EEA1: variants seen among roughly 807,000 people sequenced by gnomAD.
EEA1 encodes the protein early endosome antigen 1.
Under a neutral mutation model 209.2 loss-of-function variants are expected in EEA1, and 111 were observed. The observed-to-expected ratio is 0.53, with a 90% CI of 0.45 to 0.62. The LOEUF is 0.62. Ranked by LOEUF, EEA1 falls within the 20% of genes least tolerant of loss-of-function variation. The probability of loss-of-function intolerance (pLI) is 0.00; values close to 1 mark genes in which losing one functional copy is unlikely to be tolerated. For missense variants in EEA1, 1,343 were observed against 1,530.8 expected (o/e 0.88, Z 2.05); for synonymous variants, 536 against 540.6 (o/e 0.99, Z 0.12).
rs1188855398 is a variant in EEA1 at position 92,787,927 on chromosome 12, C to T, written c.3090G>A (p.Gln1030=). The T allele has an allele frequency of 1.9e-6, 3 of 1,612,864 alleles. No homozygotes were observed. Among genetic ancestry groups the T allele is most frequent in the African/African-American group, 2.7e-5 (2 of 74,850 alleles). Residue 1030 remains glutamine, a synonymous_variant, in exon 22 of 29, where the codon CAG becomes CAA. Coordinates refer to ENST00000322349, the MANE Select transcript of EEA1 (RefSeq NM_003566.4). The part of the protein sequence containing the change: ...NYEKSQETFK[Q]LQSDFYGRES... The stretch of plus-strand genomic sequence containing the variant: ...CCCTCCCATAGAAATCAGATTGAAG[C>T]TGTTTGAAAGTTTCCTGACTTTTTT...
At chr12:92,782,631 T>C (rs1405747748) in intron 22 of EEA1, among the ~76,000 whole-genome samples, 2 of 152,222 alleles carry the variant, frequency 1.3e-5, no homozygotes, top group Non-Finnish European at 2.9e-5. Flanking sequence ...TATTAATAAA[T>C]AGTATGGTGT....
intron 15 of EEA1, 36 bp downstream of exon 15, chr12:92,816,164 A>G: frequency 6.4e-7 from 1 of 1,568,768 alleles, no homozygotes; most frequent in Non-Finnish European, 8.8e-7. Flanking sequence ...ACGGTCTAAA[A>G]CTGGTGCTTT....
At chr12:92,851,337 T>G (rs1877623562) in intron 8 of EEA1, 71 bp from the exon 9 acceptor site, 1 of 1,429,410 alleles carries the variant, frequency 7.0e-7, no homozygotes, top group Non-Finnish European at 9.5e-7. Flanking sequence ...TAGAATCATT[T>G]CACTACAAAG....
chr12:92,785,114 T>C (rs1013419515), intron 22 of EEA1, among the ~76,000 whole-genome samples: 4 of 152,196 alleles, frequency 2.6e-5, no homozygotes, highest in African/African-American at 4.8e-5. Context: ...AGAAGATTTA[T>C]ATTTAATTCT....
At chr12:92,862,398 T>C (rs1362446446) in intron 3 of EEA1, among the ~76,000 whole-genome samples, 1 of 152,044 alleles carries the variant, frequency 6.6e-6, no homozygotes, top group East Asian at 1.9e-4. Flanking sequence ...CTTGAGGTTC[T>C]TGAACAACAT....
At chr12:92,834,457 C>T (rs1876816799) in intron 10 of EEA1, among the ~76,000 whole-genome samples, 1 of 146,318 alleles carries the variant, frequency 6.8e-6, no homozygotes, top group African/African-American at 2.5e-5. Flanking sequence ...AAGCAGGAGG[C>T]ATGCTTGGGC....
At chr12:92,885,161 T>A (rs1228051704) in intron 2 of EEA1, among the ~76,000 whole-genome samples, 2 of 152,076 alleles carry the variant, frequency 1.3e-5, no homozygotes, top group East Asian at 3.8e-4. Context: ...TAGTTAAATT[T>A]TTGGGGAGTC....
intron 11 of EEA1, among the ~76,000 whole-genome samples, 189 bp from the exon 12 acceptor site, chr12:92,828,250 T>C (rs1159736959): frequency 6.6e-6 from 1 of 152,198 alleles, no homozygotes; most frequent in Non-Finnish European, 1.5e-5. Context: ...TATATTATAA[T>C]GAATCACATA....
chr12:92,928,783 C>T (rs1246877410), intron 1 of EEA1, among the ~76,000 whole-genome samples: 2 of 151,912 alleles, frequency 1.3e-5, no homozygotes, highest in African/African-American at 4.8e-5. Context: ...TCGCAGCCCG[C>T]TCGCACACAC....
chr12:92,858,914 G>A (rs376223646), intron 3 of EEA1: 3 of 703,738 alleles, frequency 4.3e-6, no homozygotes, highest in Non-Finnish European at 2.6e-6. Flanking sequence ...AGGTTGGGGT[G>A]TTCATGGAGG....
At chr12:92,838,412 G>C (rs1200636912) in intron 10 of EEA1, among the ~76,000 whole-genome samples, 1 of 152,184 alleles carries the variant, frequency 6.6e-6, no homozygotes, top group South Asian at 2.1e-4. Flanking sequence ...CCAAGAGATA[G>C]AAGGTAAGCT....
intron 1 of EEA1, among the ~76,000 whole-genome samples, chr12:92,912,597 C>G (rs1880618172): frequency 6.6e-6 from 1 of 152,140 alleles, no homozygotes; most frequent in Non-Finnish European, 1.5e-5. Flanking sequence ...GGTACAAGTG[C>G]AGTTTTGTTA....
chr12:92,844,295 A>G (rs1877300679), intron 9 of EEA1, among the ~76,000 whole-genome samples: 1 of 152,172 alleles, frequency 6.6e-6, no homozygotes, highest in South Asian at 2.1e-4. Flanking sequence ...AAATGCTTTT[A>G]GGAATGGAAT....
chr12:92,826,561 A>G (rs552677068), intron 12 of EEA1, among the ~76,000 whole-genome samples: 2 of 151,456 alleles, frequency 1.3e-5, no homozygotes, highest in African/African-American at 4.8e-5. Context: ...AAAAAAATAC[A>G]AAAATTAGCC....
intron 19 of EEA1, 125 bp downstream of exon 19, chr12:92,802,279 C>A: frequency 1.1e-6 from 1 of 871,494 alleles, no homozygotes; most frequent in Non-Finnish European, 1.7e-6. Context: ...TTAATTTCCT[C>A]ATAAGAACTA....
At chr12:92,844,756 T>A (rs1247770401) in intron 9 of EEA1, among the ~76,000 whole-genome samples, 9 of 152,088 alleles carry the variant, frequency 5.9e-5, no homozygotes, top group Non-Finnish European at 1.3e-4. Context: ...TCCCTACTTG[T>A]AAATATCTTA....
intron 2 of EEA1, among the ~76,000 whole-genome samples, chr12:92,876,941 T>G (rs914402847): frequency 4.4e-5 from 6 of 136,970 alleles, no homozygotes; most frequent in African/African-American, 1.3e-4. Context: ...AACCTGGGTG[T>G]TGTTTTTTTT....
intron 3 of EEA1, among the ~76,000 whole-genome samples, chr12:92,861,734 GCTAT>G (rs977848669): frequency 5.9e-5 from 9 of 151,632 alleles, no homozygotes; most frequent in African/African-American, 2.2e-4. Context: ...ACGTAGAATT[GCTAT>G]CTTTTATATA....
chr12:92,827,944 A>T lies in EEA1; in HGVS notation c.1372T>A (p.Leu458Ile). The stretch of plus-strand genomic sequence containing the variant: ...TCTAACCGAGAAAGTTTGAGTTGTA[A>T]ATCAGCCACTTGTTGTTCTTTATCC... ...LMDKEQQVAD[L>I]QLKLSRLEEQ... The change falls in exon 12 of 29, where the codon TTA (leucine) becomes ATA (isoleucine). Residue 458 changes from leucine to isoleucine, a missense_variant. This residue lies in a region of EEA1 where 1,307 missense variants were observed against 1,465.5 expected (regional missense o/e 0.89). Coordinates refer to ENST00000322349, the MANE Select transcript of EEA1 (RefSeq NM_003566.4). The T allele has an allele frequency of 1.9e-6, 3 of 1,578,536 alleles. No individual in the cohort carries two copies. Among genetic ancestry groups the T allele is most frequent in the Admixed American group, 3.7e-5 (2 of 53,780 alleles).
Sources: gnomAD v4.1 joint callset for allele counts (sites outside exome capture counted in the v4.1 genomes callset) on GRCh38, gnomAD v4.1.1 for gene constraint, gnomAD v4.1.1 regional missense constraint, MANE v1.5 for transcripts, NCBI Gene and HGNC (gene_info 2026-07-23, HGNC 2026-07-21) for gene names.